The following MCTP1 variants were observed in gnomAD, a reference collection of about 807,000 sequenced individuals.
MCTP1 encodes the protein multiple C2 and transmembrane domain-containing protein 1.
MCTP1 carries 69 observed loss-of-function variants against 120.6 expected under a neutral mutation model. That is an observed-to-expected ratio of 0.57 (90% CI 0.47 to 0.70). The LOEUF is 0.70. Among genes scored for constraint, MCTP1 ranks in the 30% least tolerant of loss-of-function variants. MCTP1 has a pLI of 0.00. For missense variants in MCTP1, 1,203 were observed against 1,248.8 expected (o/e 0.96, Z 0.55); for synonymous variants, 529 against 493.1 (o/e 1.07, Z -0.96).
rs1403839608 is a variant in MCTP1 at position 95,115,879 on chromosome 5, CAAGAG to C, written c.721-98400_721-98396del. 2.6e-5 allele frequency among the ~76,000 whole-genome samples: 4 copies of C among 151,742 alleles called. No homozygotes were observed. In the East Asian group the frequency reaches 7.7e-4, roughly 29 times the overall value. On this transcript the variant is annotated intron_variant, in intron 1 of 22. Coordinates refer to ENST00000515393, the MANE Select transcript of MCTP1 (RefSeq NM_024717.7). ...TCATGGGTAAAGATTCTAAAAGTAG[CAAGAG>C]AAAAGAAACAAATAACATAAAATGG...
intron 17 of MCTP1, among the ~76,000 whole-genome samples, chr5:94,852,620 T>A (rs1248578515): frequency 6.6e-6 from 1 of 152,010 alleles, no homozygotes. Flanking sequence ...GTAATTTTAA[T>A]GCTCATAGCA....
chr5:94,980,481 G>C (rs545942639), intron 2 of MCTP1, among the ~76,000 whole-genome samples: 2 of 152,088 alleles, frequency 1.3e-5, no homozygotes, highest in Non-Finnish European at 2.9e-5. Context: ...ATGAAATATT[G>C]AATTTCCTTT....
chr5:94,917,333 A>G (rs1226747229), intron 8 of MCTP1, among the ~76,000 whole-genome samples: 1 of 152,224 alleles, frequency 6.6e-6, no homozygotes, highest in Non-Finnish European at 1.5e-5. Context: ...GAGGACAAGA[A>G]AAAAGGCAGG....
In MCTP1 at chr5:94,949,665, C is replaced by A. The variant is rs1436702583; in HGVS notation, c.981+3554G>T. ...TTTTTTTTCCTTGGTAATTTTTACA[C>A]TGATAGAAATCAGATTACAGGGTAC... On this transcript the variant is annotated intron_variant, in intron 3 of 22. Coordinates refer to ENST00000515393, the MANE Select transcript of MCTP1 (RefSeq NM_024717.7). Among the ~76,000 whole-genome samples, 4 of 152,174 alleles carry A rather than the reference C, an allele frequency of 2.6e-5. No homozygotes were observed. In the East Asian group the frequency reaches 7.7e-4, roughly 29 times the overall value.
intron 18 of MCTP1, among the ~76,000 whole-genome samples, chr5:94,796,504 A>G (rs1334971386): frequency 6.7e-6 from 1 of 150,016 alleles, no homozygotes; most frequent in Non-Finnish European, 1.5e-5. Context: ...AGGAGAGTCA[A>G]TGCATCGCAG....
At chr5:95,212,432 G>T (rs1752496235) in intron 1 of MCTP1, among the ~76,000 whole-genome samples, 1 of 151,856 alleles carries the variant, frequency 6.6e-6, no homozygotes, top group Non-Finnish European at 1.5e-5. Context: ...TCTACCAGAG[G>T]TACAAGGAGG....
intron 1 of MCTP1, among the ~76,000 whole-genome samples, chr5:95,074,111 G>T (rs1052775691): frequency 2.0e-5 from 3 of 152,024 alleles, no homozygotes; most frequent in African/African-American, 7.2e-5. Context: ...GTGAGACTCC[G>T]TCTCAAGAAA....
chr5:95,114,631 C>T (rs1401003408), intron 1 of MCTP1, among the ~76,000 whole-genome samples: 1 of 152,204 alleles, frequency 6.6e-6, no homozygotes, highest in African/African-American at 2.4e-5. Context: ...GAGGTGTGAG[C>T]TCAGCCACAG....
chr5:94,822,024 G>T (rs572531873), intron 17 of MCTP1, among the ~76,000 whole-genome samples: 4 of 152,014 alleles, frequency 2.6e-5, no homozygotes, highest in African/African-American at 9.7e-5. Context: ...CTGCAGTTTT[G>T]CCATTAAATT....
At chr5:94,751,362 C>G (rs1360230860) in intron 19 of MCTP1, among the ~76,000 whole-genome samples, 1 of 150,832 alleles carries the variant, frequency 6.6e-6, no homozygotes, top group Non-Finnish European at 1.5e-5. Context: ...TTCTACAGAG[C>G]CCAGGCATAT....
At chr5:94,827,278 A>G (rs1211449855) in intron 17 of MCTP1, among the ~76,000 whole-genome samples, 3 of 152,176 alleles carry the variant, frequency 2.0e-5, no homozygotes, top group African/African-American at 7.2e-5. Flanking sequence ...CTTTTCTTTA[A>G]GAGTGTTGAA....
chr5:95,183,088 A>G (rs1259597335), intron 1 of MCTP1, among the ~76,000 whole-genome samples: 1 of 152,024 alleles, frequency 6.6e-6, no homozygotes, highest in African/African-American at 2.4e-5. Context: ...GCGCCAGTAT[A>G]AGGACAGATG....
At chr5:95,260,741 C>T (rs2152717158) in intron 1 of MCTP1, among the ~76,000 whole-genome samples, 1 of 152,222 alleles carries the variant, frequency 6.6e-6, no homozygotes, top group Non-Finnish European at 1.5e-5. Context: ...GCTGTCTACC[C>T]TTAAAGGTGC....
At chr5:94,898,451 C>T (rs993613637) in intron 10 of MCTP1, among the ~76,000 whole-genome samples, 5 of 152,166 alleles carry the variant, frequency 3.3e-5, no homozygotes, top group African/African-American at 1.2e-4. Context: ...GCATTTGCTA[C>T]CCCCTCATAA....
At position 94,871,473 on chromosome 5, in the gene MCTP1, A is replaced by G. The variant is rs888817249; in HGVS notation, c.2037-56T>C. The G allele has an allele frequency of 3.3e-5, 42 of 1,282,486 alleles. No individual in the cohort carries two copies. In the Middle Eastern group the frequency reaches 7.4e-4, roughly 23 times the overall value. The allele number at this position is 1,282,486 out of a possible 1,614,324, so 79.4% of individuals were successfully genotyped here. A position where few individuals can be genotyped will look rare whatever the true frequency, so the allele number is the denominator to read the frequency against. ...ATTTCATCAGTAGGAAACAACAACA[A>G]GAATAGTTTTGAAAATTTAGATAGC... is the stretch of plus-strand genomic sequence containing the variant. On this transcript the variant is annotated intron_variant, in intron 13 of 22. Coordinates refer to ENST00000515393, the MANE Select transcript of MCTP1 (RefSeq NM_024717.7).
intron 7 of MCTP1, among the ~76,000 whole-genome samples, chr5:94,921,354 G>A (rs565904450): frequency 1.3e-5 from 2 of 152,292 alleles, no homozygotes; most frequent in African/African-American, 4.8e-5. Context: ...TTAAGATACA[G>A]CAAGTAGCAC....
intron 1 of MCTP1, among the ~76,000 whole-genome samples, chr5:95,216,665 A>G (rs1310279856): frequency 6.6e-6 from 1 of 152,214 alleles, no homozygotes; most frequent in African/African-American, 2.4e-5. Context: ...AAGGTCACAC[A>G]AACTGAGAAG....
chr5:95,217,999 G>A (rs1003316712), intron 1 of MCTP1, among the ~76,000 whole-genome samples: 2 of 152,142 alleles, frequency 1.3e-5, no homozygotes, highest in South Asian at 2.1e-4. Context: ...GAGATATGAC[G>A]TATTGTCCAA....
intron 2 of MCTP1, among the ~76,000 whole-genome samples, chr5:94,957,722 A>G (rs1016726076): frequency 6.6e-6 from 1 of 152,212 alleles, no homozygotes; most frequent in African/African-American, 2.4e-5. Flanking sequence ...AGAGCTAACT[A>G]TCCTCAATAT....
Sources: allele counts gnomAD v4.1 joint callset (sites outside exome capture counted in the v4.1 genomes callset), GRCh38; gene constraint gnomAD v4.1.1; transcripts MANE v1.5; gene names NCBI Gene and HGNC (gene_info 2026-07-23, HGNC 2026-07-21).